AFF3: variants seen among roughly 807,000 people sequenced by gnomAD.
AFF3 encodes AF4/FMR2 family member 3.
AFF3 carries 32 observed loss-of-function variants against 129.7 expected under a neutral mutation model. That is an observed-to-expected ratio of 0.25 (90% confidence interval 0.19 to 0.33). AFF3 has a LOEUF of 0.33. Ranked by LOEUF, AFF3 falls within the 10% of genes least tolerant of loss-of-function variation. The pLI is 1.00. For missense variants in AFF3, 1,373 were observed against 1,592.0 expected (o/e 0.86, Z 2.34); for synonymous variants, 644 against 635.4 (o/e 1.01, Z -0.20).
intron 3 of AFF3, chr2:100,104,896 G>C: frequency 4.3e-6 from 1 of 230,034 alleles, no homozygotes; most frequent in Non-Finnish European, 6.9e-6. Flanking sequence ...GCCGAGGCGC[G>C]CGCGCACCGT....
chr2:100,022,892 G>A (rs1035018478), intron 4 of AFF3, among the ~76,000 whole-genome samples: 2 of 152,196 alleles, frequency 1.3e-5, no homozygotes, highest in African/African-American at 4.8e-5. Flanking sequence ...TAGGGTAGGT[G>A]GGGTTGGGCA....
intron 9 of AFF3, among the ~76,000 whole-genome samples, chr2:99,744,401 A>C (rs1483793235): frequency 1.3e-5 from 2 of 152,244 alleles, no homozygotes; most frequent in Admixed American, 1.3e-4. Flanking sequence ...TAACATTAAA[A>C]TTAACCATTT....
chr2:99,683,997 G>T (rs1674787179), intron 11 of AFF3, among the ~76,000 whole-genome samples: 1 of 152,032 alleles, frequency 6.6e-6, no homozygotes, highest in African/African-American at 2.4e-5. Context: ...TCTCCTACAA[G>T]TTCCCCAGTG....
intron 7 of AFF3, among the ~76,000 whole-genome samples, chr2:99,895,696 G>A (rs1162320110): frequency 2.6e-5 from 4 of 152,114 alleles, no homozygotes; most frequent in African/African-American, 9.7e-5. Context: ...GGGACTCGGT[G>A]GGAGTGATTT....
intron 7 of AFF3, among the ~76,000 whole-genome samples, chr2:99,963,578 T>C (rs1387966135): frequency 6.6e-6 from 1 of 151,858 alleles, no homozygotes; most frequent in Non-Finnish European, 1.5e-5. Flanking sequence ...TGTATTATCA[T>C]ACCTAGAGAT....
chr2:100,049,573 T>C (rs1686118623), intron 4 of AFF3, among the ~76,000 whole-genome samples: 1 of 152,168 alleles, frequency 6.6e-6, no homozygotes, highest in Non-Finnish European at 1.5e-5. Flanking sequence ...CAGGTTAAAG[T>C]GTCCTGAGTT....
intron 7 of AFF3, among the ~76,000 whole-genome samples, chr2:99,887,680 ATATT>A (rs1256344699): frequency 2.6e-5 from 4 of 152,244 alleles, no homozygotes; most frequent in African/African-American, 9.6e-5. Flanking sequence ...CATTAAATAA[ATATT>A]TATTATTGCT....
chr2:99,797,432 G>A (rs1685628494), intron 8 of AFF3, among the ~76,000 whole-genome samples: 1 of 152,078 alleles, frequency 6.6e-6, no homozygotes, highest in African/African-American at 2.4e-5. Flanking sequence ...GTAAACTGCA[G>A]AATGACTTCA....
intron 8 of AFF3, among the ~76,000 whole-genome samples, chr2:99,828,363 C>T (rs962222268): frequency 1.3e-5 from 2 of 152,144 alleles, no homozygotes; most frequent in African/African-American, 2.4e-5. Flanking sequence ...TGAGATCCAG[C>T]ATAAAGCAGA....
chr2:99,649,738 A>T (rs1685059384), intron 12 of AFF3, 72 bp from the exon 13 acceptor site: 1 of 1,513,184 alleles, frequency 6.6e-7, no homozygotes, highest in Non-Finnish European at 9.1e-7. Context: ...ATGAACACTT[A>T]AAAAAAAGAC....
At chr2:99,761,344 T>C (rs1342400215) in intron 8 of AFF3, among the ~76,000 whole-genome samples, 1 of 152,212 alleles carries the variant, frequency 6.6e-6, no homozygotes, top group Non-Finnish European at 1.5e-5. Flanking sequence ...ATATCCCAAT[T>C]TTCAGGAGGT....
intron 11 of AFF3, among the ~76,000 whole-genome samples, chr2:99,686,410 G>T (rs1223108867): frequency 2.0e-5 from 3 of 152,174 alleles, no homozygotes; most frequent in Non-Finnish European, 4.4e-5. Context: ...CTCCCATGTA[G>T]ACTATTCCTT....
intron 11 of AFF3, among the ~76,000 whole-genome samples, chr2:99,701,168 G>A (rs1676821672): frequency 1.3e-5 from 2 of 152,156 alleles, no homozygotes; most frequent in South Asian, 4.1e-4. Context: ...GTGGGTGTGT[G>A]CGCAAGGTGG....
chr2:100,135,326 G>T (rs1395903853), intron 1 of AFF3, among the ~76,000 whole-genome samples: 1 of 152,184 alleles, frequency 6.6e-6, no homozygotes, highest in Non-Finnish European at 1.5e-5. Context: ...GTCTTAGCAG[G>T]CCTGGTGACT....
At chr2:99,721,870 A>G (rs1036252849) in intron 11 of AFF3, among the ~76,000 whole-genome samples, 4 of 152,028 alleles carry the variant, frequency 2.6e-5, no homozygotes, top group Admixed American at 6.5e-5. Context: ...TTTCAGGTCT[A>G]TTTTGTCTCT....
At chr2:99,857,174 T>C (rs1166206249) in intron 7 of AFF3, among the ~76,000 whole-genome samples, 1 of 152,218 alleles carries the variant, frequency 6.6e-6, no homozygotes, top group African/African-American at 2.4e-5. Flanking sequence ...TGATCATCTT[T>C]CACTCTAAAT....
intron 12 of AFF3, among the ~76,000 whole-genome samples, chr2:99,665,924 G>T (rs565172389): frequency 6.6e-6 from 1 of 152,160 alleles, no homozygotes; most frequent in Non-Finnish European, 1.5e-5. Flanking sequence ...ACTGAAAAGA[G>T]CCCAGTATAA....
chr2:99,699,857 C>T (rs1037359180), intron 11 of AFF3, among the ~76,000 whole-genome samples: 8 of 152,172 alleles, frequency 5.3e-5, no homozygotes, highest in Admixed American at 1.3e-4. Flanking sequence ...GAAAGGGAAT[C>T]GAGGGATAAA....
intron 12 of AFF3, among the ~76,000 whole-genome samples, chr2:99,668,100 G>A (rs1686836506): frequency 6.6e-6 from 1 of 151,984 alleles, no homozygotes; most frequent in Non-Finnish European, 1.5e-5. Flanking sequence ...AGAGCTTGCA[G>A]TGAGCCAAGA....
Sources: allele counts gnomAD v4.1 joint callset (sites outside exome capture counted in the v4.1 genomes callset), GRCh38; gene constraint gnomAD v4.1.1; transcripts MANE v1.5; gene names NCBI Gene and HGNC (gene_info 2026-07-23, HGNC 2026-07-21).